The following LRP1B variants were observed in gnomAD, a reference collection of about 807,000 sequenced individuals.
LRP1B encodes LDL receptor related protein 1B, also known as low-density lipoprotein receptor-related protein 1B.
Under a neutral mutation model 556.6 loss-of-function variants are expected in LRP1B, and 217 were observed. The observed-to-expected ratio is 0.39, with a 90% confidence interval of 0.35 to 0.44. The LOEUF (loss-of-function observed/expected upper bound fraction) is 0.44. Among genes scored for constraint, LRP1B ranks in the 20% least tolerant of loss-of-function variants. The pLI is 1.00. For synonymous variants in LRP1B, 2,047 were observed against 1,865.8 expected (o/e 1.10, Z -2.50); for missense variants, 5,053 against 5,620.8 (o/e 0.90, Z 3.23).
intron 41 of LRP1B, among the ~76,000 whole-genome samples, chr2:140,662,869 T>C (rs1311029223): frequency 6.6e-6 from 1 of 152,160 alleles, no homozygotes; most frequent in Non-Finnish European, 1.5e-5. Context: ...GTAATCATTT[T>C]AGTGAGGCGC....
At chr2:140,943,661 A>G (rs1695463148) in intron 20 of LRP1B, among the ~76,000 whole-genome samples, 1 of 152,118 alleles carries the variant, frequency 6.6e-6, no homozygotes, top group Admixed American at 6.6e-5. Flanking sequence ...ACTTGCTTCT[A>G]AATGACTAGT....
intron 62 of LRP1B, among the ~76,000 whole-genome samples, chr2:140,451,385 G>A (rs950912812): frequency 1.6e-4 from 25 of 152,126 alleles, no homozygotes; most frequent in African/African-American, 6.0e-4. Flanking sequence ...AAAGCTATCA[G>A]GAATATCAGG....
chr2:141,999,684 A>C (rs1487621662), intron 1 of LRP1B, among the ~76,000 whole-genome samples: 2 of 144,128 alleles, frequency 1.4e-5, no homozygotes, highest in Non-Finnish European at 3.1e-5. Context: ...GAATATGAAT[A>C]CTTTTTTTCT....
chr2:141,193,303 T>C (rs1258726137), intron 6 of LRP1B, among the ~76,000 whole-genome samples: 1 of 151,892 alleles, frequency 6.6e-6, no homozygotes, highest in East Asian at 1.9e-4. Flanking sequence ...CACAGCACTA[T>C]AAGCACCATT....
At chr2:141,197,482 C>A (rs1681804661) in intron 6 of LRP1B, among the ~76,000 whole-genome samples, 1 of 151,996 alleles carries the variant, frequency 6.6e-6, no homozygotes, top group South Asian at 2.1e-4. Flanking sequence ...TGGGTTAATA[C>A]ATTCAAAAGC....
intron 8 of LRP1B, among the ~76,000 whole-genome samples, chr2:141,060,542 TG>T (rs1191986257): frequency 1.3e-5 from 2 of 151,802 alleles, no homozygotes; most frequent in African/African-American, 4.8e-5. Flanking sequence ...GTCTCGTGCA[TG>T]TTTTGCTCAA....
At chr2:141,905,149 A>G (rs1005596584) in intron 1 of LRP1B, among the ~76,000 whole-genome samples, 2 of 151,742 alleles carry the variant, frequency 1.3e-5, no homozygotes, top group African/African-American at 4.8e-5. Context: ...GAAATGAAAA[A>G]CTCCGCAGAG....
chr2:141,021,639 G>A (rs1698066661), intron 11 of LRP1B, among the ~76,000 whole-genome samples: 1 of 151,988 alleles, frequency 6.6e-6, no homozygotes, highest in Middle Eastern at 3.4e-3. Context: ...TGTGAAATCT[G>A]CCCCAGTACA....
At chr2:141,003,482 G>C (rs1020940222) in intron 15 of LRP1B, among the ~76,000 whole-genome samples, 2 of 152,090 alleles carry the variant, frequency 1.3e-5, no homozygotes, top group Admixed American at 6.6e-5. Flanking sequence ...AATCCAGTGG[G>C]AGGTAACTGA....
At chr2:142,071,986 C>T (rs1442219262) in intron 1 of LRP1B, among the ~76,000 whole-genome samples, 1 of 151,936 alleles carries the variant, frequency 6.6e-6, no homozygotes, top group Non-Finnish European at 1.5e-5. Flanking sequence ...CTCAATCACC[C>T]AACCAGATAT....
chr2:141,733,509 T>C (rs1162170182), intron 2 of LRP1B, among the ~76,000 whole-genome samples: 1 of 152,136 alleles, frequency 6.6e-6, no homozygotes. Flanking sequence ...CAGATGACCT[T>C]CATATGCAAA....
chr2:141,503,435 G>A (rs1683803704), intron 2 of LRP1B, among the ~76,000 whole-genome samples: 1 of 151,712 alleles, frequency 6.6e-6, no homozygotes. Context: ...AGAAATCTGA[G>A]AGTCAAATAT....
intron 1 of LRP1B, among the ~76,000 whole-genome samples, chr2:142,091,671 C>T (rs1030232352): frequency 2.6e-5 from 4 of 152,102 alleles, no homozygotes; most frequent in African/African-American, 9.7e-5. Context: ...TCACCATAGA[C>T]ACTTCTTTCT....
chr2:140,539,256 G>T (rs1001766788), intron 45 of LRP1B, among the ~76,000 whole-genome samples: 1 of 152,026 alleles, frequency 6.6e-6, no homozygotes, highest in African/African-American at 2.4e-5. Context: ...GAACCACTCT[G>T]GGTAAAATCA....
At chr2:141,236,723 A>G (rs300370) in intron 5 of LRP1B, among the ~76,000 whole-genome samples, 151,636 of 152,266 alleles carry the variant, frequency 1, 75,512 homozygotes, top group Middle Eastern at 1. Flanking sequence ...AATCTAGAGT[A>G]AAGTTGGAAA....
chr2:141,878,176 A>T (rs1362764072), intron 1 of LRP1B, among the ~76,000 whole-genome samples: 1 of 151,978 alleles, frequency 6.6e-6, no homozygotes, highest in Non-Finnish European at 1.5e-5. Context: ...TCTTCAGAAT[A>T]TTCCTGTAGG....
At chr2:141,828,802 C>T (rs1296177089) in intron 1 of LRP1B, among the ~76,000 whole-genome samples, 1 of 151,940 alleles carries the variant, frequency 6.6e-6, no homozygotes, top group Non-Finnish European at 1.5e-5. Flanking sequence ...GGGAAGTTAA[C>T]TGGTTAATCG....
intron 49 of LRP1B, among the ~76,000 whole-genome samples, chr2:140,517,493 G>A (rs1291418890): frequency 1.3e-5 from 2 of 151,902 alleles, no homozygotes; most frequent in Non-Finnish European, 2.9e-5. Context: ...TCTATTTGGA[G>A]TATTCCTTAA....
At position 141,647,696 on chromosome 2, in the gene LRP1B, C is replaced by T. The variant is rs1311577562; in HGVS notation, c.205+162583G>A. ...CTGAGAAGTTTAGAACAGGGAATAA[C>T]CTTCTAGTTTTTTTTTTTTTAAATA... On this transcript the variant is annotated intron_variant, in intron 2 of 90. Coordinates refer to ENST00000389484, the MANE Select transcript of LRP1B (RefSeq NM_018557.3). 1.3e-4 allele frequency among the ~76,000 whole-genome samples: 15 copies of T among 111,676 alleles called. No individual in the cohort carries two copies. In the Admixed American group the frequency reaches 1.5e-3, roughly 11 times the overall value. 73.3% of individuals were successfully genotyped at this position (111,676 alleles called of 152,430 possible).
Sources: allele counts gnomAD v4.1 joint callset (sites outside exome capture counted in the v4.1 genomes callset), GRCh38; gene constraint gnomAD v4.1.1; transcripts MANE v1.5; gene names NCBI Gene and HGNC (gene_info 2026-07-23, HGNC 2026-07-21).